Variants in TGM4 observed in about 807,000 individuals in gnomAD.
TGM4 encodes protein-glutamine gamma-glutamyltransferase 4.
In TGM4, 61 loss-of-function variants were observed where a neutral mutation model predicts 76.3. The observed-to-expected ratio is 0.80, with a 90% CI of 0.65 to 0.99. TGM4 has a LOEUF of 0.99. Among genes scored for constraint, TGM4 ranks in the 50% least tolerant of loss-of-function variants. The pLI, the probability that TGM4 is intolerant of heterozygous loss-of-function variation, is 0.00. For missense variants in TGM4, 794 were observed against 843.2 expected (o/e 0.94, Z 0.72); for synonymous variants, 337 against 329.8 (o/e 1.02, Z -0.24).
At chr3:44,912,178 A>C (rs751449848) in intron 13 of TGM4, among the ~76,000 whole-genome samples, 2 of 152,242 alleles carry the variant, frequency 1.3e-5, no homozygotes, top group Non-Finnish European at 2.9e-5. Flanking sequence ...CACCAGTAGA[A>C]CTTTTAAATT....
Position 44,903,959 on chromosome 3 carries a change from G to A in TGM4, c.1047G>A (p.Val349=). 1 of 1,614,120 alleles carries A rather than the reference G, an allele frequency of 6.2e-7. No individual in the cohort carries two copies. The highest frequency in any genetic ancestry group is 8.5e-7 in the Non-Finnish European group (1 of 1,180,040). ...LPKGYDGWQA[V]DATPQERSQG... ...AGGGCTACGACGGCTGGCAGGCTGT[G>A]GACGCAACGCCGCAGGAGCGAAGCC... Residue 349 remains valine (V), a synonymous_variant, in exon 9 of 14, where the codon GTG becomes GTA. Coordinates refer to ENST00000296125, the MANE Select transcript of TGM4 (RefSeq NM_003241.4).
At chr3:44,893,491 C>G (rs1699731197) in intron 4 of TGM4, 86 bp from the exon 5 acceptor site, 1 of 1,164,872 alleles carries the variant, frequency 8.6e-7, no homozygotes, top group African/African-American at 1.5e-5. Context: ...CCTTGAATCT[C>G]CCCCAGCACA....
chr3:44,881,392 T>C (rs1413259468), intron 1 of TGM4, among the ~76,000 whole-genome samples: 1 of 152,214 alleles, frequency 6.6e-6, no homozygotes, highest in Non-Finnish European at 1.5e-5. Context: ...TATAAAAGAA[T>C]ACCTAAAACT....
intron 6 of TGM4, among the ~76,000 whole-genome samples, chr3:44,898,904 C>G (rs562737421): frequency 1.3e-5 from 2 of 152,178 alleles, no homozygotes; most frequent in South Asian, 4.2e-4. Context: ...AGCAGGTGGC[C>G]AGGCTGGATG....
At chr3:44,899,857 G>A (rs1699828830) in intron 6 of TGM4, among the ~76,000 whole-genome samples, 1 of 152,238 alleles carries the variant, frequency 6.6e-6, no homozygotes, top group Admixed American at 6.5e-5. Context: ...GCAGCTCATA[G>A]CATGGCAGCC....
intron 13 of TGM4, among the ~76,000 whole-genome samples, chr3:44,912,604 C>G (rs1700019697): frequency 6.6e-6 from 1 of 152,202 alleles, no homozygotes; most frequent in Non-Finnish European, 1.5e-5. Flanking sequence ...TTAGAATCAT[C>G]TTGTCATATA....
chr3:44,901,242 AAAAC>A (rs1317932356), intron 6 of TGM4, among the ~76,000 whole-genome samples: 2 of 152,196 alleles, frequency 1.3e-5, no homozygotes, highest in East Asian at 1.9e-4. Context: ...CCTCTCTCAA[AAAAC>A]AAACAAAACC....
At chr3:44,887,602 A>G (rs532147413) in intron 2 of TGM4, 87 bp from the exon 3 acceptor site, 82 of 1,202,938 alleles carry the variant, frequency 6.8e-5, no homozygotes, top group Non-Finnish European at 9.1e-5. Context: ...GGGCTCCATG[A>G]GTGGGCAGTA....
chr3:44,910,488 C>A, intron 11 of TGM4, 120 bp downstream of exon 11: 1 of 1,294,410 alleles, frequency 7.7e-7, no homozygotes, highest in Non-Finnish European at 1.0e-6. Context: ...TGAGTTAACA[C>A]AAACATTTAT....
At chr3:44,911,560 C>T (rs951442348) in intron 13 of TGM4, among the ~76,000 whole-genome samples, 154 bp downstream of exon 13, 11 of 152,194 alleles carry the variant, frequency 7.2e-5, no homozygotes, top group Non-Finnish European at 1.0e-4. Context: ...GAAAAGATTG[C>T]ATCAATTTAT....
intron 2 of TGM4, 68 bp from the exon 3 acceptor site, chr3:44,887,621 C>T (rs1575714325): frequency 1.4e-5 from 21 of 1,486,728 alleles, no homozygotes; most frequent in Admixed American, 1.8e-5. Flanking sequence ...TAGGTGGGCC[C>T]GAACCAGAGG....
At chr3:44,911,202 A>G in intron 12 of TGM4, 68 bp from the exon 13 acceptor site, 1 of 1,609,568 alleles carries the variant, frequency 6.2e-7, no homozygotes, top group South Asian at 1.1e-5. Flanking sequence ...GCCCCTAAGA[A>G]CCCTGAGGGT....
chr3:44,910,022 C>A, intron 10 of TGM4, 68 bp from the exon 11 acceptor site: 2 of 1,555,226 alleles, frequency 1.3e-6, no homozygotes, highest in Non-Finnish European at 1.7e-6. Flanking sequence ...CCTTCTGCCA[C>A]ACGGGTGGTT....
At chr3:44,897,222 T>C (rs535393208) in intron 6 of TGM4, among the ~76,000 whole-genome samples, 3 of 152,208 alleles carry the variant, frequency 2.0e-5, no homozygotes, top group African/African-American at 4.8e-5. Context: ...GCCAGGCTGG[T>C]CTTGAACTCC....
chr3:44,903,521 G>T (rs993062273), intron 8 of TGM4: 9 of 196,598 alleles, frequency 4.6e-5, no homozygotes, highest in Non-Finnish European at 9.4e-5. Flanking sequence ...TTTATTAGGT[G>T]TCTGTTATGC....
At chr3:44,880,033 A>T (rs1264915825) in intron 1 of TGM4, among the ~76,000 whole-genome samples, 1 of 152,104 alleles carries the variant, frequency 6.6e-6, no homozygotes, top group East Asian at 1.9e-4. Flanking sequence ...TCCTGGGCTC[A>T]AGGGATCCCC....
At chr3:44,909,587 C>G (rs1279557504) in intron 10 of TGM4, among the ~76,000 whole-genome samples, 1 of 152,138 alleles carries the variant, frequency 6.6e-6, no homozygotes, top group Non-Finnish European at 1.5e-5. Context: ...GGTAGTGGAG[C>G]TTTTAGCGGA....
chr3:44,895,758 G>T (rs765817042), intron 5 of TGM4, among the ~76,000 whole-genome samples: 2 of 152,066 alleles, frequency 1.3e-5, no homozygotes, highest in Non-Finnish European at 2.9e-5. Flanking sequence ...TTTCCCTCAG[G>T]TTACAAAAGT....
chr3:44,889,722 A>T (rs62242571), intron 3 of TGM4, among the ~76,000 whole-genome samples: 47,403 of 152,106 alleles, frequency 0.31, 8,668 homozygotes, highest in East Asian at 0.82. Flanking sequence ...AAAAGGCTGG[A>T]TAGAGGCCTG....
Sources: gnomAD v4.1 joint callset for allele counts (sites outside exome capture counted in the v4.1 genomes callset) on GRCh38, gnomAD v4.1.1 for gene constraint, MANE v1.5 for transcripts, NCBI Gene and HGNC (gene_info 2026-07-23, HGNC 2026-07-21) for gene names.